Variants in TSPEAR observed in about 807,000 individuals in gnomAD.
TSPEAR encodes thrombospondin type laminin G domain and EAR repeats, also known as thrombospondin-type laminin G domain and EAR repeat-containing protein.
TSPEAR carries 69 observed loss-of-function variants against 71.6 expected under a neutral mutation model. That is an observed-to-expected ratio of 0.96 (90% CI 0.79 to 1.18). The LOEUF is 1.18. Among genes scored for constraint, TSPEAR ranks in the 50% most tolerant of loss-of-function variants. TSPEAR has a pLI of 0.00. For synonymous variants in TSPEAR, 402 were observed against 387.2 expected (o/e 1.04, Z -0.45); for missense variants, 971 against 894.9 (o/e 1.09, Z -1.09).
intron 1 of TSPEAR, among the ~76,000 whole-genome samples, chr21:44,596,824 CTG>C (rs1980396803): frequency 1.3e-5 from 2 of 152,164 alleles, no homozygotes; most frequent in South Asian, 4.1e-4. Context: ...TGCTCACTTT[CTG>C]TTATGTTTCT....
chr21:44,589,008 C>T lies in TSPEAR; in HGVS notation c.83-21003G>A, dbSNP rs587673262. ...ACTTTGGGGACTGAGAGGGAAAGGG[C>T]GGGAAGGGGGTGATGGATAAAAAAC... On this transcript the variant is annotated intron_variant, in intron 1 of 11. Coordinates refer to ENST00000323084, the MANE Select transcript of TSPEAR (RefSeq NM_144991.3). Among the ~76,000 whole-genome samples the T allele has an allele frequency of 9.2e-5, 14 of 151,806 alleles. No homozygotes were observed. The South Asian group carries it at 1.9e-3, about 20-fold the overall frequency.
intron 1 of TSPEAR, chr21:44,678,134 G>T (rs1555947316): frequency 8.5e-6 from 5 of 591,320 alleles, no homozygotes; most frequent in Non-Finnish European, 1.5e-5. Flanking sequence ...TGCCATGGCG[G>T]CACGAGTAAG....
chr21:44,625,599 G>A (rs587774737), intron 1 of TSPEAR, among the ~76,000 whole-genome samples: 13 of 152,364 alleles, frequency 8.5e-5, no homozygotes, highest in South Asian at 4.1e-4. Flanking sequence ...TATCCCCAGC[G>A]TTCCCACATG....
intron 8 of TSPEAR, among the ~76,000 whole-genome samples, chr21:44,523,777 CAGTT>C (rs2052786558): frequency 2.0e-5 from 3 of 149,904 alleles, no homozygotes; most frequent in East Asian, 2.0e-4. Flanking sequence ...GGTAGTTAAT[CAGTT>C]AGTCAGTGAG....
rs1454600090 is a variant in TSPEAR, at chr21:44,642,522, T to C, written c.82+68911A>G. Among the ~76,000 whole-genome samples the C allele has an allele frequency of 6.6e-6, 1 of 152,200 alleles. No homozygotes were observed. Among genetic ancestry groups the C allele is most frequent in the Non-Finnish European group, 1.5e-5 (1 of 68,038 alleles). ...ACTAAGCCACTATGTATAGCCATTA[T>C]GGGAAATAGTACGGAAGTTCCTCAA... is the stretch of plus-strand genomic sequence containing the variant. On this transcript the variant is annotated intron_variant, in intron 1 of 11. Coordinates refer to ENST00000323084, the MANE Select transcript of TSPEAR (RefSeq NM_144991.3). The surrounding 1 kb of genome is among the most constrained non-coding windows in gnomAD (Gnocchi z 4.1).
intron 1 of TSPEAR, among the ~76,000 whole-genome samples, chr21:44,576,158 G>T (rs1382732721): frequency 1.3e-5 from 2 of 152,250 alleles, no homozygotes; most frequent in Non-Finnish European, 2.9e-5. Context: ...TCCATGCACA[G>T]GTGTCAGAGG....
chr21:44,589,706 C>G (rs1038212079), intron 1 of TSPEAR, among the ~76,000 whole-genome samples: 4 of 152,164 alleles, frequency 2.6e-5, no homozygotes, highest in African/African-American at 9.7e-5. Flanking sequence ...TGGGTCCTGT[C>G]GGTGCCTCGG....
At chr21:44,504,229 G>GTGAGCCCTCGGGGGGTAGC (rs2052132694) in intron 11 of TSPEAR, among the ~76,000 whole-genome samples, 2 of 138,956 alleles carry the variant, frequency 1.4e-5, no homozygotes, top group Non-Finnish European at 3.1e-5. Flanking sequence ...GCCGGCCTCG[G>GTGAGCCCTCGGGGGGTAGC]TGAGCCCTCG....
rs1988170432 is a variant in TSPEAR, at chr21:44,710,599, A to AGC, written c.82+832_82+833dup. Among the ~76,000 whole-genome samples, 1 of 151,932 alleles carries AGC rather than the reference A, an allele frequency of 6.6e-6. No individual in the cohort carries two copies. ...TGCATGATTTGCAAACAAAACCAGA[A>AGC]GCGCAAGCCATCTCCTCGCCTCCCC... On this transcript the variant is annotated intron_variant, in intron 1 of 11. Transcript: ENST00000323084. The surrounding 1 kb of genome is among the most constrained non-coding windows in gnomAD (Gnocchi z 4.6).
chr21:44,599,142 C>CTG (rs1427055450), intron 1 of TSPEAR, among the ~76,000 whole-genome samples: 5 of 132,256 alleles, frequency 3.8e-5, no homozygotes, highest in African/African-American at 1.6e-4. Context: ...TTTTCTCTCT[C>CTG]TCTCTCTCTC....
chr21:44,510,152 T>C (rs1569152771), intron 9 of TSPEAR, among the ~76,000 whole-genome samples: 1 of 152,054 alleles, frequency 6.6e-6, no homozygotes, highest in East Asian at 1.9e-4. Context: ...GCATGTGGGG[T>C]CCACAAGGCG....
intron 1 of TSPEAR, among the ~76,000 whole-genome samples, chr21:44,576,284 G>A (rs1978438210): frequency 6.8e-6 from 1 of 147,688 alleles, no homozygotes; most frequent in Non-Finnish European, 1.5e-5. Flanking sequence ...TGGGTGAACA[G>A]ACACACGGAT....
chr21:44,632,208 C>T (rs1601509156), intron 1 of TSPEAR, among the ~76,000 whole-genome samples: 1 of 151,592 alleles, frequency 6.6e-6, no homozygotes, highest in East Asian at 1.9e-4. Flanking sequence ...CAAAAAGATC[C>T]ACACAGAAAC....
chr21:44,650,485 A>G (rs1418852347), intron 1 of TSPEAR, among the ~76,000 whole-genome samples: 1 of 152,274 alleles, frequency 6.6e-6, no homozygotes, highest in African/African-American at 2.4e-5. Context: ...TGACGGAGGC[A>G]GAGATTGGGC....
At chr21:44,668,963 A>AAT (rs1985922477) in intron 1 of TSPEAR, among the ~76,000 whole-genome samples, 1 of 152,262 alleles carries the variant, frequency 6.6e-6, no homozygotes, top group African/African-American at 2.4e-5. Flanking sequence ...TAAAATGTAC[A>AAT]ATAGCTGATA....
chr21:44,678,965 C>T (rs1223172450), intron 1 of TSPEAR, among the ~76,000 whole-genome samples: 1 of 152,200 alleles, frequency 6.6e-6, no homozygotes, highest in Admixed American at 6.5e-5. Flanking sequence ...AGTTTATCTA[C>T]TGTTCCTTGT....
Position 44,617,366 on chromosome 21 carries a change from C to T in TSPEAR, c.83-49361G>A, listed in dbSNP as rs374087778. ...CAGCCCCAGGCTTGCCGCTGGGATG[C>T]AGAACAGAGAACAGACACACGGCCT... On this transcript the variant is annotated intron_variant, in intron 1 of 11. Coordinates refer to ENST00000323084, the MANE Select transcript of TSPEAR (RefSeq NM_144991.3). Among the ~76,000 whole-genome samples the T allele has an allele frequency of 4.1e-3, 632 of 152,360 alleles. 5 individuals are homozygous for T. The highest frequency in any genetic ancestry group is 0.014 in the African/African-American group (602 of 41,584).
At chr21:44,702,914 A>G in intron 1 of TSPEAR, 1 of 601,028 alleles carries the variant, frequency 1.7e-6, no homozygotes, top group Non-Finnish European at 2.9e-6. Flanking sequence ...ACAGTGTGCA[A>G]GCTGGCTGAC....
intron 1 of TSPEAR, 86 bp from the exon 2 acceptor site, chr21:44,568,091 C>T (rs1468129577): frequency 1.9e-5 from 20 of 1,031,412 alleles, no homozygotes; most frequent in South Asian, 4.7e-5. Flanking sequence ...GGGGCATCAG[C>T]GTGGCAGGCA....
Sources: gnomAD v4.1 joint callset for allele counts (sites outside exome capture counted in the v4.1 genomes callset) on GRCh38, gnomAD v4.1.1 for gene constraint, Gnocchi (gnomAD v3.1) non-coding constraint, MANE v1.5 for transcripts, NCBI Gene and HGNC (gene_info 2026-07-23, HGNC 2026-07-21) for gene names.